Variants in IRF8 observed in about 807,000 individuals in gnomAD.
The protein encoded by IRF8 is interferon regulatory factor 8.
IRF8 carries 14 observed loss-of-function variants against 48.7 expected under a neutral mutation model. The ratio of observed to expected loss-of-function variants is 0.29; its 90% confidence interval spans 0.19 to 0.45. IRF8 has a LOEUF of 0.45. IRF8 is among the 20% of genes least tolerant of loss of function. IRF8 has a pLI of 1.00. For missense variants in IRF8, 493 were observed against 580.7 expected, an observed-to-expected ratio of 0.85 and a Z score of 1.55; for synonymous variants, 278 against 227.3, an observed-to-expected ratio of 1.22 and a Z score of -2.01.
rs764958679 is a variant in IRF8 at position 85,903,060 on chromosome 16, C to A, written c.45C>A (p.Ile15=). The A allele has an allele frequency of 8.7e-6, 14 of 1,614,160 alleles. No homozygotes were observed. In the East Asian group the frequency reaches 3.1e-4, roughly 36 times the overall value. ...GTCGGCGGCTTCGACAGTGGCTGATCGAGCAGATTGACAGTAGCATGTATC... is the reference window on the plus strand; with the variant it reads ...GTCGGCGGCTTCGACAGTGGCTGATAGAGCAGATTGACAGTAGCATGTATC... ...NGGRRLRQWL[I]EQIDSSMYPG... Residue 15 remains isoleucine, a synonymous_variant, in exon 2 of 9, where the codon ATC becomes ATA. Transcript: ENST00000268638.
intron 6 of IRF8, among the ~76,000 whole-genome samples, chr16:85,916,588 C>A (rs554610937): frequency 6.6e-6 from 1 of 152,196 alleles, no homozygotes; most frequent in Non-Finnish European, 1.5e-5. Context: ...CCTGCTTAGG[C>A]GTCTCTGAAG....
intron 2 of IRF8, among the ~76,000 whole-genome samples, chr16:85,905,580 C>T (rs1035678474): frequency 6.6e-6 from 1 of 152,162 alleles, no homozygotes; most frequent in Non-Finnish European, 1.5e-5. Flanking sequence ...GGGAGGGCCA[C>T]CAGTGCCGGT....
chr16:85,921,438 G>A lies in IRF8; in HGVS notation c.*156G>A, dbSNP rs376034493. 78 of 806,698 alleles carry A rather than the reference G, an allele frequency of 9.7e-5. 1 individual carries two copies. Among genetic ancestry groups the A allele is most frequent in the South Asian group, 4.9e-4 (33 of 67,996 alleles). 50.0% of individuals were successfully genotyped at this position (806,698 alleles called of 1,614,324 possible). A position where few individuals can be genotyped will look rare whatever the true frequency, so the allele number is the denominator to read the frequency against. Reference sequence around the variant, plus strand: ...TAAGGGCATTCTCGGAGGAGTAGACGTTTAATACGAAGTGGCGGCATAGCC... The same window carrying A: ...TAAGGGCATTCTCGGAGGAGTAGACATTTAATACGAAGTGGCGGCATAGCC... On this transcript the variant is annotated 3_prime_UTR_variant, in exon 9 of 9. Transcript: ENST00000268638.
intron 7 of IRF8, 79 bp downstream of exon 7, chr16:85,918,882 T>G: frequency 7.0e-6 from 11 of 1,563,584 alleles, no homozygotes; most frequent in Non-Finnish European, 9.6e-6. Context: ...CAGCTCAGGG[T>G]GGCCCTGTGG....
chr16:85,917,200 A>G (rs1222453087), intron 6 of IRF8, among the ~76,000 whole-genome samples: 5 of 152,054 alleles, frequency 3.3e-5, no homozygotes, highest in Non-Finnish European at 7.4e-5. Context: ...GGAGTTAGGC[A>G]CCTCACAACT....
rs1905138695 is a variant in IRF8, at chr16:85,911,440, C to A, written c.359-130C>A. On this transcript the variant is annotated intron_variant, in intron 3 of 8. Coordinates refer to ENST00000268638, the MANE Select transcript of IRF8 (RefSeq NM_002163.4). The stretch of plus-strand genomic sequence containing the variant: ...ATGGGAAAAAAATTCTGTGCCTTTC[C>A]CAAACCAATGAAGACACTCACTAAC... 5 of 798,030 alleles carry A rather than the reference C, an allele frequency of 6.3e-6. No homozygotes were observed. In the Admixed American group the frequency reaches 8.2e-5, roughly 13 times the overall value. The allele number at this position is 798,030 out of a possible 1,614,324, so 49.4% of individuals were successfully genotyped here.
chr16:85,913,337 T>G lies in IRF8; in HGVS notation c.553+101T>G, dbSNP rs543673624. Reference sequence around the variant, plus strand: ...GTGGGGGTGGTTGTTGCTATCATGATCCATGTCTCATTAAAGGTAGCTCAG... The same window carrying G: ...GTGGGGGTGGTTGTTGCTATCATGAGCCATGTCTCATTAAAGGTAGCTCAG... On this transcript the variant is annotated intron_variant, in intron 5 of 8. Transcript: ENST00000268638. 2.3e-4 allele frequency: 194 copies of G among 844,986 alleles called. 1 individual carries two copies. In the African/African-American group the frequency reaches 2.7e-3, roughly 12 times the overall value. 52.3% of individuals were successfully genotyped at this position (844,986 alleles called of 1,614,324 possible).
In IRF8 at chr16:85,921,089, C is replaced by G; in HGVS notation, c.1105-17C>G. ...AGCCTCCGCCTCTGCCTCTGACTTTCTGCACCTCCCATCTAGATTGAGCAG... is the reference window on the plus strand; with the variant it reads ...AGCCTCCGCCTCTGCCTCTGACTTTGTGCACCTCCCATCTAGATTGAGCAG... On this transcript the variant is annotated splice_polypyrimidine_tract_variant and intron_variant, in intron 8 of 8. Transcript: ENST00000268638. 1 of 1,606,362 alleles carries G rather than the reference C, an allele frequency of 6.2e-7. No homozygotes were observed. Among genetic ancestry groups the G allele is most frequent in the Non-Finnish European group, 8.5e-7 (1 of 1,176,444 alleles).
intron 1 of IRF8, among the ~76,000 whole-genome samples, chr16:85,900,364 A>C (rs982350757): frequency 1.3e-5 from 2 of 152,228 alleles, no homozygotes; most frequent in Non-Finnish European, 2.9e-5. Flanking sequence ...AAAATCAAGA[A>C]GAGGAAGTTA....
intron 2 of IRF8, among the ~76,000 whole-genome samples, chr16:85,906,498 G>A (rs534483855): frequency 1.6e-4 from 24 of 152,318 alleles, no homozygotes; most frequent in Admixed American, 7.2e-4. Flanking sequence ...CAGGGCAGGC[G>A]GCAAGCCAGG....
In IRF8 at chr16:85,909,122, A is replaced by T. The variant is rs1395494815; in HGVS notation, c.307A>T (p.Ile103Phe). 6.2e-7 allele frequency: 1 copy of T among 1,614,184 alleles called. No individual in the cohort carries two copies. Among genetic ancestry groups the T allele is most frequent in the Non-Finnish European group, 8.5e-7 (1 of 1,180,034 alleles). ...EEVTDRSQLD[I>F]SEPYKVYRIV... Reference sequence around the variant, plus strand: ...AGTGACGGACCGGTCCCAACTGGACATTTCCGAGCCATACAAAGTTTACCG... The same window carrying T: ...AGTGACGGACCGGTCCCAACTGGACTTTTCCGAGCCATACAAAGTTTACCG... Residue 103 changes from isoleucine to phenylalanine, a missense_variant, in exon 3 of 9, where the codon ATT becomes TTT. Transcript: ENST00000268638.
chr16:85,902,912 C>A, intron 1 of IRF8, 103 bp from the exon 2 acceptor site: 2 of 1,284,764 alleles, frequency 1.6e-6, no homozygotes, highest in Non-Finnish European at 2.3e-6. Context: ...CAAGCCAGCA[C>A]CTTTGCTGCA....
intron 2 of IRF8, among the ~76,000 whole-genome samples, chr16:85,906,216 ACAAT>A (rs1365789691): frequency 6.6e-6 from 1 of 152,160 alleles, no homozygotes; most frequent in East Asian, 1.9e-4. Context: ...GCAACATGAA[ACAAT>A]CATATTAAAT....
chr16:85,903,009 T>A lies in IRF8; in HGVS notation c.-1-6T>A. The A allele has an allele frequency of 6.2e-7, 1 of 1,614,116 alleles. No individual in the cohort carries two copies. Among genetic ancestry groups the A allele is most frequent in the Non-Finnish European group, 8.5e-7 (1 of 1,179,952 alleles). On this transcript the variant is annotated splice_polypyrimidine_tract_variant and splice_region_variant and intron_variant, in intron 1 of 8. Transcript: ENST00000268638. ...ATATCACAGCGTGTATTTCTGTCTT[T>A]CCAAGGATGTGTGACCGGAATGGTG...
chr16:85,905,010 G>A (rs1904953538), intron 2 of IRF8, among the ~76,000 whole-genome samples: 1 of 152,028 alleles, frequency 6.6e-6, no homozygotes, highest in African/African-American at 2.4e-5. Flanking sequence ...GGTTCCCTAT[G>A]CCTTGTGGGA....
intron 1 of IRF8, among the ~76,000 whole-genome samples, chr16:85,899,507 GT>G: frequency 6.6e-6 from 1 of 152,288 alleles, no homozygotes; most frequent in South Asian, 2.1e-4. Context: ...CATGGAAAAC[GT>G]TAGGAGAGCT....
At chr16:85,919,282 C>G (rs1028863916) in intron 7 of IRF8, among the ~76,000 whole-genome samples, 3 of 151,678 alleles carry the variant, frequency 2.0e-5, no homozygotes, top group Non-Finnish European at 4.4e-5. Context: ...CTAAGTGCTG[C>G]CTGTTAGCTT....
At chr16:85,918,896 C>G in intron 7 of IRF8, 93 bp downstream of exon 7, 1 of 1,502,264 alleles carries the variant, frequency 6.7e-7, no homozygotes, top group South Asian at 1.1e-5. Context: ...CCTGTGGTCT[C>G]ATGGAGGGAT....
intron 1 of IRF8, among the ~76,000 whole-genome samples, chr16:85,901,805 A>AT (rs1201238940): frequency 2.0e-5 from 3 of 151,704 alleles, no homozygotes; most frequent in African/African-American, 7.3e-5. Context: ...TCTGATTGAT[A>AT]TTTTGCTTTC....
Sources: gnomAD v4.1 joint callset for allele counts (sites outside exome capture counted in the v4.1 genomes callset) on GRCh38, gnomAD v4.1.1 for gene constraint, MANE v1.5 for transcripts, NCBI Gene and HGNC (gene_info 2026-07-23, HGNC 2026-07-21) for gene names.